The following ENOX1 variants were observed in gnomAD, a reference collection of about 807,000 sequenced individuals.
The protein encoded by ENOX1 is ecto-NOX disulfide-thiol exchanger 1.
A neutral mutation model predicts 82.5 loss-of-function variants in ENOX1; 42 were observed. The observed-to-expected ratio is 0.51, with a 90% CI of 0.40 to 0.66. The LOEUF (loss-of-function observed/expected upper bound fraction) is 0.66, where lower values mean the gene tolerates loss of function less well. Among genes scored for constraint, ENOX1 ranks in the 30% least tolerant of loss-of-function variants. ENOX1 has a pLI of 0.00. For missense variants in ENOX1, 608 were observed against 811.6 expected, an observed-to-expected ratio of 0.75 and a Z score of 3.05; for synonymous variants, 271 against 282.2, an observed-to-expected ratio of 0.96 and a Z score of 0.40.
intron 11 of ENOX1, among the ~76,000 whole-genome samples, chr13:43,320,391 A>T (rs1413580449): frequency 6.6e-6 from 1 of 152,210 alleles, no homozygotes; most frequent in Non-Finnish European, 1.5e-5. Context: ...AAGACTGGTG[A>T]AAGTTTTTTT....
intron 2 of ENOX1, among the ~76,000 whole-genome samples, chr13:43,523,551 A>T (rs2077863327): frequency 6.6e-6 from 1 of 152,120 alleles, no homozygotes; most frequent in African/African-American, 2.4e-5. Flanking sequence ...CTTTTTAACC[A>T]CCCCATTAGC....
At chr13:43,775,078 C>T (rs1951838249) in intron 1 of ENOX1, among the ~76,000 whole-genome samples, 1 of 152,196 alleles carries the variant, frequency 6.6e-6, no homozygotes, top group South Asian at 2.1e-4. Flanking sequence ...AAACTCCTGA[C>T]CTCAAGTGAT....
chr13:43,590,609 C>G (rs947645063), intron 2 of ENOX1, among the ~76,000 whole-genome samples: 1 of 36,596 alleles, frequency 2.7e-5, no homozygotes, highest in Non-Finnish European at 6.6e-5. Context: ...CTTGTTTCTA[C>G]TAAAAAAACA....
chr13:43,725,487 A>T (rs923918738), intron 1 of ENOX1, among the ~76,000 whole-genome samples: 1 of 152,182 alleles, frequency 6.6e-6, no homozygotes, highest in Non-Finnish European at 1.5e-5. Flanking sequence ...TATCAGCCAA[A>T]GTCTGCTCCT....
chr13:43,644,167 G>A (rs1292476966), intron 2 of ENOX1, among the ~76,000 whole-genome samples: 1 of 152,146 alleles, frequency 6.6e-6, no homozygotes, highest in Non-Finnish European at 1.5e-5. Flanking sequence ...TTATTTCTTA[G>A]TACCAGCACT....
At chr13:43,494,153 T>C (rs2076715961) in intron 2 of ENOX1, among the ~76,000 whole-genome samples, 1 of 152,090 alleles carries the variant, frequency 6.6e-6, no homozygotes, top group South Asian at 2.1e-4. Flanking sequence ...CAAGATGAGA[T>C]TTTGGGTGGG....
intron 1 of ENOX1, among the ~76,000 whole-genome samples, chr13:43,686,676 T>C (rs2086094367): frequency 1.3e-5 from 2 of 152,172 alleles, no homozygotes; most frequent in African/African-American, 4.8e-5. Context: ...TTTTCCCCAT[T>C]TGGCTATTTC....
chr13:43,711,241 A>G (rs1277165064), intron 1 of ENOX1, among the ~76,000 whole-genome samples: 1 of 152,014 alleles, frequency 6.6e-6, no homozygotes, highest in Admixed American at 6.6e-5. Context: ...CCTACAAAGG[A>G]CATGAACTCA....
intron 3 of ENOX1, among the ~76,000 whole-genome samples, chr13:43,414,140 C>T (rs544240355): frequency 1.1e-4 from 17 of 152,190 alleles, no homozygotes; most frequent in African/African-American, 4.1e-4. Context: ...TCAGTAATTC[C>T]TTGAGCACTG....
intron 1 of ENOX1, among the ~76,000 whole-genome samples, chr13:43,769,997 G>GCA (rs1440685392): frequency 1.3e-5 from 2 of 152,170 alleles, no homozygotes; most frequent in Non-Finnish European, 2.9e-5. Flanking sequence ...TCTCTAATAA[G>GCA]AATTTACCCA....
chr13:43,321,498 T>A (rs1229849301), intron 11 of ENOX1, among the ~76,000 whole-genome samples: 1 of 152,220 alleles, frequency 6.6e-6, no homozygotes, highest in East Asian at 1.9e-4. Context: ...GGTGACCTGA[T>A]CCTTTTAGAA....
intron 16 of ENOX1, among the ~76,000 whole-genome samples, chr13:43,218,201 G>T (rs1173732772): frequency 6.6e-6 from 1 of 152,198 alleles, no homozygotes; most frequent in Non-Finnish European, 1.5e-5. Flanking sequence ...AAATGTATTA[G>T]CTGTAGTTTC....
At chr13:43,718,254 T>C (rs557726196) in intron 1 of ENOX1, among the ~76,000 whole-genome samples, 1 of 152,282 alleles carries the variant, frequency 6.6e-6, no homozygotes, top group East Asian at 1.9e-4. Flanking sequence ...CTGAAGATCA[T>C]TATCCTAAGC....
chr13:43,495,537 T>G (rs2076764203), intron 2 of ENOX1, among the ~76,000 whole-genome samples: 1 of 152,020 alleles, frequency 6.6e-6, no homozygotes, highest in Admixed American at 6.6e-5. Flanking sequence ...ACTAATAACC[T>G]ACTACATATA....
chr13:43,512,618 G>GTT (rs35147827), intron 2 of ENOX1, among the ~76,000 whole-genome samples: 15 of 137,150 alleles, frequency 1.1e-4, no homozygotes, highest in East Asian at 4.1e-4. Flanking sequence ...ATGTGTGTGG[G>GTT]TTTTTTTTTT....
intron 16 of ENOX1, among the ~76,000 whole-genome samples, chr13:43,221,521 A>G (rs1385796473): frequency 6.6e-6 from 1 of 152,110 alleles, no homozygotes; most frequent in African/African-American, 2.4e-5. Context: ...GCTGCCCCCA[A>G]CCCGGACCCT....
chr13:43,505,945 G>A (rs1262165996), intron 2 of ENOX1, among the ~76,000 whole-genome samples: 1 of 151,998 alleles, frequency 6.6e-6, no homozygotes, highest in Non-Finnish European at 1.5e-5. Flanking sequence ...GTAAGGAAGG[G>A]ATCCAGTTTC....
In ENOX1 at chr13:43,627,381, A is replaced by C. The variant is rs143531314; in HGVS notation, c.-219+40098T>G. Among the ~76,000 whole-genome samples, 3 of 151,862 alleles carry C rather than the reference A, an allele frequency of 2.0e-5. No individual in the cohort carries two copies. The East Asian group carries it at 5.8e-4, about 29-fold the overall frequency. ...AGTAAGTTAATCATTTTAGAATTCC[A>C]TTTTGATTCACCTATAGTGTTTTAA... On this transcript the variant is annotated intron_variant, in intron 2 of 16. Transcript: ENST00000690772.
intron 12 of ENOX1, among the ~76,000 whole-genome samples, chr13:43,290,213 G>C (rs2045922409): frequency 6.6e-6 from 1 of 152,126 alleles, no homozygotes; most frequent in South Asian, 2.1e-4. Context: ...ACCCAGCAAG[G>C]CCATTACTGC....
Sources: allele counts gnomAD v4.1 joint callset (sites outside exome capture counted in the v4.1 genomes callset), GRCh38; gene constraint gnomAD v4.1.1; transcripts MANE v1.5; gene names NCBI Gene and HGNC (gene_info 2026-07-23, HGNC 2026-07-21).